GABRG3: variants seen among roughly 807,000 people sequenced by gnomAD.
GABRG3 encodes the protein gamma-aminobutyric acid type A receptor subunit gamma3.
In GABRG3, 25 loss-of-function variants were observed where a neutral mutation model predicts 48.8. That is an observed-to-expected ratio of 0.51 (90% confidence interval 0.37 to 0.72). The LOEUF is 0.72. GABRG3 is among the 30% of genes least tolerant of loss of function. The pLI is 0.00. For synonymous variants in GABRG3, 227 were observed against 217.6 expected (o/e 1.04, Z -0.38); for missense variants, 394 against 577.9 (o/e 0.68, Z 3.26).
intron 6 of GABRG3, among the ~76,000 whole-genome samples, chr15:27,497,138 A>G (rs1890506890): frequency 6.6e-6 from 1 of 152,118 alleles, no homozygotes; most frequent in Admixed American, 6.5e-5. Flanking sequence ...TAGTGCTTAC[A>G]TTATTAGTTT....
rs192180567 is a variant in GABRG3, at chr15:27,339,961, G to A, written c.574+11073G>A. 7.7e-3 allele frequency among the ~76,000 whole-genome samples: 1,174 copies of A among 152,196 alleles called. 16 individuals carry two copies. Among genetic ancestry groups the A allele is most frequent in the African/African-American group, 0.025 (1,020 of 41,528 alleles). Reference sequence around the variant, plus strand: ...CCCAGAGTTGATGGAGGGAGGAGGCGTTGGGGCAGGAAGGCTGGGGAGGCG... The same window carrying A: ...CCCAGAGTTGATGGAGGGAGGAGGCATTGGGGCAGGAAGGCTGGGGAGGCG... On this transcript the variant is annotated intron_variant, in intron 5 of 9. Transcript: ENST00000615808.
chr15:27,190,166 A>T (rs1888245331), intron 3 of GABRG3, among the ~76,000 whole-genome samples: 1 of 152,178 alleles, frequency 6.6e-6, no homozygotes, highest in Admixed American at 6.5e-5. Flanking sequence ...ATGTTCATCA[A>T]GGATACTGGT....
At chr15:27,201,579 C>T (rs557452353) in intron 3 of GABRG3, among the ~76,000 whole-genome samples, 2 of 137,828 alleles carry the variant, frequency 1.5e-5, no homozygotes, top group Non-Finnish European at 3.0e-5. Flanking sequence ...GTAACACTTA[C>T]ACCTTGAGAG....
intron 3 of GABRG3, among the ~76,000 whole-genome samples, chr15:27,087,750 C>T (rs1042548241): frequency 6.6e-6 from 1 of 151,242 alleles, no homozygotes; most frequent in Admixed American, 6.6e-5. Flanking sequence ...GTCTGGTGTG[C>T]TGTAGTGTGT....
intron 3 of GABRG3, among the ~76,000 whole-genome samples, chr15:27,210,201 C>A (rs1253395095): frequency 6.6e-6 from 1 of 152,180 alleles, no homozygotes; most frequent in Admixed American, 6.5e-5. Context: ...CAGGCAGCCA[C>A]CTCAGAGAAA....
rs1894658767 is a variant in GABRG3 at position 27,352,582 on chromosome 15, G to A, written c.574+23694G>A. 6.6e-6 allele frequency among the ~76,000 whole-genome samples: 1 copy of A among 152,048 alleles called. No individual in the cohort carries two copies. The highest frequency in any genetic ancestry group is 6.5e-5 in the Admixed American group (1 of 15,276). On this transcript the variant is annotated intron_variant, in intron 5 of 9. Coordinates refer to ENST00000615808, the MANE Select transcript of GABRG3 (RefSeq NM_033223.5). This position sits in a 1 kb window ranked among gnomAD's most constrained non-coding sequence, Gnocchi z 4.0. ...TGCTGTTCAGGTGCTATTTCTGTCC[G>A]ACCTGTGGGACAGGCGCTCACACCA...
chr15:27,351,853 GTGTT>G (rs1345637318), intron 5 of GABRG3, among the ~76,000 whole-genome samples: 1 of 150,088 alleles, frequency 6.7e-6, no homozygotes, highest in African/African-American at 2.5e-5. Context: ...TTTGTATGGT[GTGTT>G]TGTGTATGGT....
At chr15:27,249,021 G>A (rs918432379) in intron 3 of GABRG3, among the ~76,000 whole-genome samples, 5 of 152,056 alleles carry the variant, frequency 3.3e-5, no homozygotes, top group African/African-American at 7.2e-5. Context: ...TGTTTGCCCC[G>A]AGGAGAAAGG....
chr15:27,523,040 T>C (rs1891194938), intron 7 of GABRG3, among the ~76,000 whole-genome samples: 1 of 151,846 alleles, frequency 6.6e-6, no homozygotes, highest in African/African-American at 2.4e-5. Context: ...ATCATGAAAG[T>C]GAATTTCAAT....
At chr15:27,306,364 T>TAAAATATAAACATGTCTACATATAAAC (rs1892446509) in intron 3 of GABRG3, among the ~76,000 whole-genome samples, 1 of 42,898 alleles carries the variant, frequency 2.3e-5, no homozygotes, top group Non-Finnish European at 9.7e-5. Context: ...CATATAAACA[T>TAAAATATAAACATGTCTACATATAAAC]ATATATAATA....
chr15:27,396,532 T>G (rs533081767), intron 5 of GABRG3, among the ~76,000 whole-genome samples: 14 of 152,196 alleles, frequency 9.2e-5, no homozygotes, highest in Non-Finnish European at 1.5e-4. Context: ...AACTGAGCTC[T>G]TACACATTTC....
intron 2 of GABRG3, among the ~76,000 whole-genome samples, chr15:27,009,843 T>TTCTTCCTCTTCC (rs777721832): frequency 6.6e-6 from 1 of 152,148 alleles, no homozygotes; most frequent in Non-Finnish European, 1.5e-5. Context: ...AGGCAACTTC[T>TTCTTCCTCTTCC]TCTTCCTCTT....
intron 3 of GABRG3, among the ~76,000 whole-genome samples, chr15:27,051,946 A>G (rs901373595): frequency 1.3e-5 from 2 of 152,160 alleles, no homozygotes; most frequent in Non-Finnish European, 2.9e-5. Flanking sequence ...GCAGTTCACA[A>G]TAGGGTTCGT....
chr15:27,370,404 G>T (rs1895370121), intron 5 of GABRG3, among the ~76,000 whole-genome samples: 1 of 152,200 alleles, frequency 6.6e-6, no homozygotes, highest in Non-Finnish European at 1.5e-5. Flanking sequence ...GCTCTTGCTT[G>T]CTTTGTTTTA....
At chr15:27,107,275 C>G (rs1023812556) in intron 3 of GABRG3, among the ~76,000 whole-genome samples, 3 of 151,894 alleles carry the variant, frequency 2.0e-5, no homozygotes, top group Admixed American at 6.6e-5. Context: ...AATGAGTGTT[C>G]AGTGTTGTCA....
intron 5 of GABRG3, among the ~76,000 whole-genome samples, chr15:27,397,873 C>T (rs1007388709): frequency 4.7e-5 from 7 of 149,032 alleles, no homozygotes; most frequent in African/African-American, 1.5e-4. Context: ...GGTGCGATCT[C>T]GGCTCACTGC....
chr15:27,089,995 A>T (rs533169935), intron 3 of GABRG3, among the ~76,000 whole-genome samples: 47 of 152,304 alleles, frequency 3.1e-4, no homozygotes, highest in African/African-American at 1.1e-3. Context: ...TTTAAATAGA[A>T]CTGCTATGAA....
Position 27,247,752 on chromosome 15 carries a change from A to G in GABRG3, c.271-79057A>G, listed in dbSNP as rs112212249. Among the ~76,000 whole-genome samples, 1,131 of 152,332 alleles carry G rather than the reference A, an allele frequency of 7.4e-3. 14 individuals are homozygous for G. The highest frequency in any genetic ancestry group is 0.025 in the African/African-American group (1,046 of 41,568). On this transcript the variant is annotated intron_variant, in intron 3 of 9. Transcript: ENST00000615808. ...GCAGAGGGTGAAAGGCACATTTCAC[A>G]TGGTGGCAGCAAGAGAGAGAATGAG...
chr15:27,307,345 A>ATATATGTTTATATATAACCATAGGTT (rs1566770918), intron 3 of GABRG3, among the ~76,000 whole-genome samples: 4 of 131,242 alleles, frequency 3.0e-5, no homozygotes, highest in Admixed American at 1.5e-4. Flanking sequence ...CCATAGGTTT[A>ATATATGTTTATATATAACCATAGGTT]TATATGTTTA....
Sources: allele counts gnomAD v4.1 joint callset (sites outside exome capture counted in the v4.1 genomes callset), GRCh38; gene constraint gnomAD v4.1.1; non-coding constraint Gnocchi (gnomAD v3.1); transcripts MANE v1.5; gene names NCBI Gene and HGNC (gene_info 2026-07-23, HGNC 2026-07-21).